The following UQCRH variants were observed in gnomAD, a reference collection of about 807,000 sequenced individuals.
UQCRH encodes the protein cytochrome b-c1 complex subunit 6, mitochondrial.
In UQCRH, 14 loss-of-function variants were observed where a neutral mutation model predicts 16.3. The ratio of observed to expected loss-of-function variants is 0.86; its 90% confidence interval spans 0.57 to 1.34. UQCRH has a LOEUF of 1.34. Among genes scored for constraint, UQCRH ranks in the 40% most tolerant of loss-of-function variants. The pLI, the probability that UQCRH is intolerant of heterozygous loss-of-function variation, is 0.00. For synonymous variants in UQCRH, 41 were observed against 41.9 expected (o/e 0.98, Z 0.08); for missense variants, 89 against 111.9 (o/e 0.80, Z 0.92).
At chr1:46,305,264 C>G (rs566860729) in intron 1 of UQCRH, among the ~76,000 whole-genome samples, 1 of 141,802 alleles carries the variant, frequency 7.1e-6, no homozygotes, top group African/African-American at 2.6e-5. Flanking sequence ...TGTCACTGCA[C>G]TCCAGCCGAG....
intron 2 of UQCRH, chr1:46,309,612 G>A (rs1557724234): frequency 5.4e-6 from 1 of 183,702 alleles, no homozygotes; most frequent in Non-Finnish European, 1.1e-5. Flanking sequence ...GGAGGTTGTG[G>A]TGAGCTGAGA....
chr1:46,308,494 G>A (rs1661412888), intron 1 of UQCRH, among the ~76,000 whole-genome samples: 1 of 152,166 alleles, frequency 6.6e-6, no homozygotes, highest in Admixed American at 6.6e-5. Context: ...ATTTGTCCCT[G>A]GGGTGATTTA....
chr1:46,316,589 G>A lies in UQCRH; in HGVS notation c.*5G>A. 3.1e-6 allele frequency: 5 copies of A among 1,612,668 alleles called. No homozygotes were observed. The highest frequency in any genetic ancestry group is 4.2e-6 in the Non-Finnish European group (5 of 1,179,778). ...CTCTTTAACAACTTGAAATAAATGT[G>A]TGGACTTAATTCACCCCAGTCTTCA... On this transcript the variant is annotated 3_prime_UTR_variant, in exon 4 of 4. Coordinates refer to ENST00000311672, the MANE Select transcript of UQCRH (RefSeq NM_006004.4).
chr1:46,311,344 CGG>C (rs2148335982), intron 3 of UQCRH, among the ~76,000 whole-genome samples: 1 of 148,556 alleles, frequency 6.7e-6, no homozygotes, highest in Non-Finnish European at 1.5e-5. Flanking sequence ...GAGGCGGAGG[CGG>C]AGGCGGGCGG....
intron 3 of UQCRH, among the ~76,000 whole-genome samples, chr1:46,310,529 C>A (rs1363128524): frequency 1.3e-5 from 2 of 152,194 alleles, no homozygotes; most frequent in Non-Finnish European, 2.9e-5. Flanking sequence ...GCGGCATGAT[C>A]GTAGCTCAGT....
chr1:46,305,419 A>G (rs1661353030), intron 1 of UQCRH, among the ~76,000 whole-genome samples: 1 of 150,966 alleles, frequency 6.6e-6, no homozygotes, highest in South Asian at 2.1e-4. Context: ...GTTTTAAACT[A>G]GGGTATTCTG....
chr1:46,303,935 G>A (rs1157082391), intron 1 of UQCRH, 115 bp downstream of exon 1: 1 of 1,383,298 alleles, frequency 7.2e-7, no homozygotes, highest in Non-Finnish European at 1.0e-6. Flanking sequence ...GGTTTGCATA[G>A]TCGGGAGCTC....
chr1:46,306,301 G>A (rs1661372010), intron 1 of UQCRH, among the ~76,000 whole-genome samples: 1 of 151,778 alleles, frequency 6.6e-6, no homozygotes, highest in Non-Finnish European at 1.5e-5. Flanking sequence ...TGATATAAGG[G>A]TCTTGTATCT....
At chr1:46,311,771 T>G (rs530555804) in intron 3 of UQCRH, among the ~76,000 whole-genome samples, 118 of 147,914 alleles carry the variant, frequency 8.0e-4, no homozygotes, top group East Asian at 6.7e-3. Flanking sequence ...GGTTTTTTTG[T>G]TTTTTTTTGT....
At chr1:46,315,904 C>T (rs1661574577) in intron 3 of UQCRH, among the ~76,000 whole-genome samples, 1 of 152,130 alleles carries the variant, frequency 6.6e-6, no homozygotes, top group Admixed American at 6.6e-5. Flanking sequence ...ATATATTTGT[C>T]AGCCAAGCAC....
At chr1:46,306,811 C>T (rs1661384862) in intron 1 of UQCRH, among the ~76,000 whole-genome samples, 1 of 152,170 alleles carries the variant, frequency 6.6e-6, no homozygotes, top group Non-Finnish European at 1.5e-5. Context: ...CAAATTGAAC[C>T]TTTCCTACCC....
chr1:46,314,718 C>T (rs1245392594), intron 3 of UQCRH, among the ~76,000 whole-genome samples: 1 of 150,212 alleles, frequency 6.7e-6, no homozygotes, highest in African/African-American at 2.5e-5. Flanking sequence ...CGTGCTGCAA[C>T]ATTGATGAAC....
Position 46,303,838 on chromosome 1 carries a change from A to C in UQCRH, c.54+18A>C, listed in dbSNP as rs1661305217. ...CTGAGGAGGTAAGGCAAGGCGATCC[A>C]CTCGGCCCTCTTCTCTGCCCTGAAG... On this transcript the variant is annotated intron_variant, in intron 1 of 3. Coordinates refer to ENST00000311672, the MANE Select transcript of UQCRH (RefSeq NM_006004.4). The C allele has an allele frequency of 6.2e-7, 1 of 1,613,902 alleles. No homozygotes were observed. Among genetic ancestry groups the C allele is most frequent in the African/African-American group, 1.3e-5 (1 of 74,870 alleles).
At chr1:46,308,666 G>C (rs77339762) in intron 1 of UQCRH, among the ~76,000 whole-genome samples, 188 of 152,166 alleles carry the variant, frequency 1.2e-3, no homozygotes, top group African/African-American at 4.2e-3. Context: ...ATGAGACCTT[G>C]TCTCTACCAC....
At chr1:46,313,117 CAT>C (rs1388004167) in intron 3 of UQCRH, among the ~76,000 whole-genome samples, 3 of 152,114 alleles carry the variant, frequency 2.0e-5, no homozygotes, top group East Asian at 1.9e-4. Context: ...GAAATGAAAA[CAT>C]ATGTTCACAT....
chr1:46,315,936 G>C (rs1287383765), intron 3 of UQCRH, among the ~76,000 whole-genome samples: 1 of 152,148 alleles, frequency 6.6e-6, no homozygotes, highest in Non-Finnish European at 1.5e-5. Context: ...CTGGGAGTAA[G>C]ATAGACATGG....
chr1:46,315,217 C>T (rs552078904), intron 3 of UQCRH, among the ~76,000 whole-genome samples: 29 of 152,138 alleles, frequency 1.9e-4, no homozygotes, highest in African/African-American at 6.0e-4. Flanking sequence ...GGCTGAGGCA[C>T]GTGGATCACC....
intron 3 of UQCRH, among the ~76,000 whole-genome samples, chr1:46,312,065 C>A (rs920459421): frequency 1.3e-5 from 2 of 150,990 alleles, no homozygotes; most frequent in Non-Finnish European, 2.9e-5. Flanking sequence ...GTAGCCAGGA[C>A]TATAGGCACA....
intron 3 of UQCRH, 31 bp from the exon 4 acceptor site, chr1:46,316,521 T>C (rs1188039928): frequency 6.2e-7 from 1 of 1,613,694 alleles, no homozygotes; most frequent in Admixed American, 1.7e-5. Flanking sequence ...AAGCTGCCAA[T>C]TGATTACCTC....
Sources: gnomAD v4.1 joint callset for allele counts (sites outside exome capture counted in the v4.1 genomes callset) on GRCh38, gnomAD v4.1.1 for gene constraint, MANE v1.5 for transcripts, NCBI Gene and HGNC (gene_info 2026-07-23, HGNC 2026-07-21) for gene names.